Variants in MYO15B observed in about 807,000 individuals in gnomAD.
MYO15B encodes myosin XVB, also known as myosin XVB pseudogene.
MYO15B carries 207 observed loss-of-function variants against 119.3 expected under a neutral mutation model. The observed-to-expected ratio is 1.73, with a 90% confidence interval of 1.55 to 1.95. MYO15B has a LOEUF of 1.95. MYO15B is among the 30% of genes most tolerant of loss of function. The pLI is 0.00. For missense variants in MYO15B, 2,264 were observed against 1,203.1 expected (o/e 1.88, Z -13.04); for synonymous variants, 966 against 498.9 (o/e 1.94, Z -12.48).
exon 21 of MYO15B, chr17:75,605,907 G>A (rs759299130): frequency 2.3e-5 from 16 of 701,868 alleles, no homozygotes; most frequent in South Asian, 1.3e-4. Context: ...GAGGAGCTCC[G>A]GGACCAGCAG....
Position 75,621,397 on chromosome 17 carries a change from C to T in MYO15B, c.7924C>T (p.Gln2642Ter). The T allele has an allele frequency of 1.4e-6, 1 of 701,052 alleles. No homozygotes were observed. The highest frequency in any genetic ancestry group is 2.6e-6 in the Non-Finnish European group (1 of 383,560). The allele number at this position is 701,052 out of a possible 1,614,324, so 43.4% of individuals were successfully genotyped here. Residue 2642 changes from glutamine (Q) to a stop codon, truncating the protein, a stop_gained, in exon 51 of 64, where the codon CAG becomes TAG. Coordinates refer to ENST00000645453, the Ensembl canonical transcript of MYO15B. LOFTEE classifies it high-confidence loss of function. ...AGGAAAGGACACGGACAGCCTGGTG[C>T]AGTACACCAAGGTGGGAGAGAGGCA...
intron 52 of MYO15B, 45 bp from the exon 53 acceptor site, chr17:75,621,959 C>T (rs1376357142): frequency 1.4e-6 from 1 of 700,718 alleles, no homozygotes; most frequent in Non-Finnish European, 2.6e-6. Context: ...GGGCCAGCCC[C>T]AGCACAGCCC....
chr17:75,613,322 T>G, exon 28 of MYO15B: 1 of 674,992 alleles, frequency 1.5e-6, no homozygotes, highest in East Asian at 2.7e-5. Context: ...CCCAGGGGCA[T>G]GGCAGCGCTG....
In MYO15B at chr17:75,622,001, C is replaced by T. The variant is rs565730842; in HGVS notation, c.8006-3C>T. On this transcript the variant is annotated splice_polypyrimidine_tract_variant and splice_region_variant and intron_variant, in intron 52 of 63. Transcript: ENST00000645453. ...TGTGCCCTGTTTCTTATCGTGCCTG[C>T]AGCCCTGATGCGGTTTATGGGTGAC... is the stretch of plus-strand genomic sequence containing the variant. 249 of 702,968 alleles carry T rather than the reference C, an allele frequency of 3.5e-4. 2 individuals are homozygous for T. Among genetic ancestry groups the T allele is most frequent in the South Asian group, 3.5e-3 (235 of 67,602 alleles). 43.5% of individuals were successfully genotyped at this position (702,968 alleles called of 1,614,324 possible). A position where few individuals can be genotyped will look rare whatever the true frequency, so the allele number is the denominator to read the frequency against.
chr17:75,625,799 G>A, intron 61 of MYO15B, 45 bp from the exon 62 acceptor site: 1 of 701,420 alleles, frequency 1.4e-6, no homozygotes, highest in South Asian at 1.5e-5. Context: ...CAGGTTCCAG[G>A]GCCCCAGCAG....
chr17:75,614,159 G>A (rs1033044876), intron 29 of MYO15B, 40 bp from the exon 30 acceptor site: 3 of 697,114 alleles, frequency 4.3e-6, no homozygotes, highest in Non-Finnish European at 7.9e-6. Context: ...CCCCCTTCTG[G>A]ATGGCCGCCT....
Position 75,621,154 on chromosome 17 carries a change from T to C in MYO15B, c.7849T>C (p.Tyr2617His), listed in dbSNP as rs1181350037. Reference sequence around the variant, plus strand: ...CACCATGCAGGAATTCGCCCGGCGTTACTTCCGGAGGTCCCAGGCCTTGTG... The same window carrying C: ...CACCATGCAGGAATTCGCCCGGCGTCACTTCCGGAGGTCCCAGGCCTTGTG... The change falls in exon 50 of 64, where the codon TAC (tyrosine) becomes CAC (histidine). Residue 2617 changes from tyrosine (Y) to histidine (H), a missense_variant. Transcript: ENST00000645453. The C allele has an allele frequency of 4.3e-6, 3 of 699,348 alleles. No individual in the cohort carries two copies. In the East Asian group the frequency reaches 8.0e-5, roughly 19 times the overall value. The allele number at this position is 699,348 out of a possible 1,614,324, so 43.3% of individuals were successfully genotyped here.
At chr17:75,590,743 A>G (rs2147694065) in intron 2 of MYO15B, 54 bp downstream of exon 2, 1 of 188,260 alleles carries the variant, frequency 5.3e-6, no homozygotes, top group Admixed American at 5.8e-5. Context: ...TTCTCTGGGG[A>G]CAGAGGGCTC....
intron 23 of MYO15B, among the ~76,000 whole-genome samples, chr17:75,611,252 A>G (rs886468303): frequency 4.6e-5 from 7 of 151,982 alleles, no homozygotes; most frequent in Non-Finnish European, 1.0e-4. Context: ...GCTTGAGCCC[A>G]GGAATTTGAG....
chr17:75,606,005 C>T (rs752732922), exon 21 of MYO15B: 22 of 698,760 alleles, frequency 3.1e-5, no homozygotes, highest in African/African-American at 2.1e-4. Context: ...GGCTCGCATG[C>T]GTGGGTTCCA....
chr17:75,622,440 C>T (rs902516778), intron 53 of MYO15B, among the ~76,000 whole-genome samples: 1 of 152,154 alleles, frequency 6.6e-6, no homozygotes, highest in African/African-American at 2.4e-5. Flanking sequence ...TCGGCACCAT[C>T]ACGCACCGGG....
intron 9 of MYO15B, among the ~76,000 whole-genome samples, chr17:75,593,456 G>A (rs184384725): frequency 6.6e-6 from 1 of 151,906 alleles, no homozygotes; most frequent in Admixed American, 6.6e-5. Flanking sequence ...AAATTAGCTG[G>A]GTGTGGTGAC....
exon 28 of MYO15B, chr17:75,613,469 G>A (rs764790597): frequency 8.8e-6 from 6 of 678,982 alleles, no homozygotes; most frequent in South Asian, 6.2e-5. Flanking sequence ...TTCACCTTCA[G>A]CGGTGAGGGC....
At position 75,610,191 on chromosome 17, in the gene MYO15B, GC is replaced by G. The variant is rs1568172382; in HGVS notation, c.4319del (p.Ala1440ValfsTer5). 1.1e-5 allele frequency: 8 copies of G among 701,430 alleles called. No homozygotes were observed. The highest frequency in any genetic ancestry group is 2.1e-5 in the Non-Finnish European group (8 of 384,136). 43.5% of individuals were successfully genotyped at this position (701,430 alleles called of 1,614,324 possible). On this transcript the variant is annotated frameshift_variant, in exon 22 of 64. Transcript: ENST00000645453. LOFTEE classifies it high-confidence loss of function. ...GAAGCGGTACCTCCGGCGGCGGGCAGCTTTGGGACAGCTGAACACCATCCTG... is the reference window on the plus strand; with the variant it reads ...GAAGCGGTACCTCCGGCGGCGGGCAGTTTGGGACAGCTGAACACCATCCTG...
chr17:75,594,325 A>G, intron 9 of MYO15B, 150 bp from the exon 10 acceptor site: 2 of 491,872 alleles, frequency 4.1e-6, no homozygotes, highest in Non-Finnish European at 7.1e-6. Flanking sequence ...TGAAAACCAT[A>G]GCCTCGCTCC....
At chr17:75,596,142 C>T (rs1211516660) in intron 12 of MYO15B, among the ~76,000 whole-genome samples, 1 of 152,170 alleles carries the variant, frequency 6.6e-6, no homozygotes, top group African/African-American at 2.4e-5. Flanking sequence ...CATGAGGATG[C>T]GGGACTCTGA....
Position 75,589,050 on chromosome 17 carries a change from A to C in MYO15B, c.993A>C (p.Pro331=). 2.5e-6 allele frequency: 1 copy of C among 396,418 alleles called. No individual in the cohort carries two copies. The highest frequency in any genetic ancestry group is 4.5e-6 in the Non-Finnish European group (1 of 224,624). 24.6% of individuals were successfully genotyped at this position (396,418 alleles called of 1,614,324 possible). A position where few individuals can be genotyped will look rare whatever the true frequency, so the allele number is the denominator to read the frequency against. The change falls in exon 1 of 64, where the codon CCA becomes CCC. Residue 331 remains proline, a synonymous_variant. Transcript: ENST00000645453. The surrounding 1 kb of genome is among the most constrained non-coding windows in gnomAD (Gnocchi z 4.2). ...CAGCAGGAGCGGGGCCGGAGGACCC[A>C]GCCCCGCTGGCGGCCCTCCTGGTGG...
rs1237406071 is a variant in MYO15B, at chr17:75,613,144, G to A, written c.4902G>A (p.Trp1634Ter). The stretch of plus-strand genomic sequence containing the variant: ...ATGAACAGCAGAGCCAGCGTGGCTG[G>A]GCCCTCATGGCTGTTTTGCTCAGCG... Residue 1634 changes from tryptophan (W) to a stop codon, truncating the protein, a stop_gained, in exon 27 of 64, where the codon TGG (tryptophan) becomes TGA (stop). Transcript: ENST00000645453. LOFTEE classifies it high-confidence loss of function. The A allele has an allele frequency of 4.3e-6, 3 of 702,464 alleles. No homozygotes were observed. Among genetic ancestry groups the A allele is most frequent in the Admixed American group, 2.0e-5 (1 of 49,996 alleles). The allele number at this position is 702,464 out of a possible 1,614,324, so 43.5% of individuals were successfully genotyped here.
At chr17:75,617,510 C>T (rs955140482) in intron 41 of MYO15B, 1 of 555,346 alleles carries the variant, frequency 1.8e-6, no homozygotes, top group Non-Finnish European at 3.2e-6. Context: ...TTGGGGCTGT[C>T]ATCGAGAGGC....
Sources: allele counts gnomAD v4.1 joint callset (sites outside exome capture counted in the v4.1 genomes callset), GRCh38; gene constraint gnomAD v4.1.1; non-coding constraint Gnocchi (gnomAD v3.1); transcripts MANE v1.5; gene names NCBI Gene and HGNC (gene_info 2026-07-23, HGNC 2026-07-21).